The following DIAPH2 variants were observed in gnomAD, a reference collection of about 807,000 sequenced individuals.
DIAPH2 encodes the protein diaphanous related formin 2, also known as protein diaphanous homolog 2.
DIAPH2 carries 35 observed loss-of-function variants against 92.7 expected under a neutral mutation model. That is an observed-to-expected ratio of 0.38 (90% CI 0.29 to 0.50). DIAPH2 has a LOEUF of 0.50. Ranked by LOEUF, DIAPH2 falls within the 20% of genes least tolerant of loss-of-function variation. The pLI, the probability that DIAPH2 is intolerant of heterozygous loss-of-function variation, is 0.94. For synonymous variants in DIAPH2, 301 were observed against 280.4 expected (o/e 1.07, Z -0.73); for missense variants, 701 against 819.5 (o/e 0.86, Z 1.77).
chrX:97,446,142 C>A (rs1182012786), intron 26 of DIAPH2, among the ~76,000 whole-genome samples: 1 of 111,184 alleles, frequency 9.0e-6, no homozygotes, highest in Non-Finnish European at 1.9e-5. Flanking sequence ...AGATAATTAA[C>A]CTTTTGTATT....
intron 17 of DIAPH2, among the ~76,000 whole-genome samples, chrX:97,064,402 A>G (rs933812888): frequency 2.8e-5 from 3 of 108,038 alleles, no homozygotes; most frequent in Non-Finnish European, 3.8e-5. Context: ...TCATCTGGCA[A>G]CTCCTCTGAG....
chrX:96,731,409 A>C (rs1410654530), intron 1 of DIAPH2, among the ~76,000 whole-genome samples: 1 of 111,871 alleles, frequency 8.9e-6, no homozygotes, highest in East Asian at 2.8e-4. Context: ...GAGAGAAGAA[A>C]ATAGTCAAAT....
intron 25 of DIAPH2, among the ~76,000 whole-genome samples, chrX:97,417,265 T>C (rs1003324070): frequency 2.7e-5 from 3 of 110,464 alleles, no homozygotes; most frequent in African/African-American, 9.9e-5. Context: ...ATATATAATA[T>C]CATCATATAA....
intron 5 of DIAPH2, chrX:96,884,563 A>G: frequency 8.3e-7 from 1 of 1,210,961 alleles, no homozygotes; most frequent in Non-Finnish European, 1.1e-6. Context: ...AGGGGCAGAG[A>G]AGGCTTCAAA....
intron 17 of DIAPH2, among the ~76,000 whole-genome samples, chrX:97,005,215 T>G (rs1194979740): frequency 9.0e-6 from 1 of 111,672 alleles, no homozygotes; most frequent in Non-Finnish European, 1.9e-5. Flanking sequence ...TTGCTGAGGA[T>G]TTTTGCATCA....
At chrX:97,546,265 G>C (rs1470888337) in intron 26 of DIAPH2, among the ~76,000 whole-genome samples, 1 of 111,558 alleles carries the variant, frequency 9.0e-6, no homozygotes, top group African/African-American at 3.3e-5. Context: ...TACCAGAGAG[G>C]TGCTAACTCA....
intron 11 of DIAPH2, among the ~76,000 whole-genome samples, chrX:96,938,234 A>G (rs748810822): frequency 2.1e-4 from 23 of 111,743 alleles, no homozygotes; most frequent in Non-Finnish European, 3.4e-4. Context: ...CAATGCATCT[A>G]TGAAAGTCTT....
intron 5 of DIAPH2, among the ~76,000 whole-genome samples, chrX:96,910,004 A>G (rs1361924323): frequency 9.0e-6 from 1 of 111,380 alleles, no homozygotes; most frequent in Non-Finnish European, 1.9e-5. Context: ...TAAAGAAATC[A>G]TGGATTATTT....
intron 5 of DIAPH2, 94 bp from the exon 6 acceptor site, chrX:96,912,234 T>A: frequency 1.4e-6 from 1 of 700,862 alleles, no homozygotes; most frequent in Non-Finnish European, 2.1e-6. Context: ...TGAGACAGAA[T>A]TATCAGATTT....
intron 23 of DIAPH2, among the ~76,000 whole-genome samples, chrX:97,321,544 A>ATTTTTTTTTTTTTT (rs72265655): frequency 2.1e-5 from 1 of 48,412 alleles, no homozygotes. Context: ...TTGTGTTGTT[A>ATTTTTTTTTTTTTT]TTTTTTTTTT....
At chrX:97,403,592 T>C (rs150324185) in intron 25 of DIAPH2, among the ~76,000 whole-genome samples, 1,506 of 112,139 alleles carry the variant, frequency 0.013, 30 homozygotes, top group African/African-American at 0.046. Context: ...CTATAAGTAA[T>C]GTAATAGGAC....
In DIAPH2 at chrX:96,698,036, G is replaced by GA. The variant is rs916366180; in HGVS notation, c.132+12856dup. 3.3e-3 allele frequency among the ~76,000 whole-genome samples: 354 copies of GA among 107,656 alleles called. 1 individual carries two copies. The highest frequency in any genetic ancestry group is 5.1e-3 in the Non-Finnish European group (261 of 51,588). 93.5% of individuals were successfully genotyped at this position (107,656 alleles called of 115,157 possible). ...CAGCCTGTGATAGCCCACCACTGGGGAAAAAAAAAATACCTGTCTAGCAGT... is the reference window on the plus strand; with the variant it reads ...CAGCCTGTGATAGCCCACCACTGGGGAAAAAAAAAAATACCTGTCTAGCAGT... On this transcript the variant is annotated intron_variant, in intron 1 of 26. Coordinates refer to ENST00000324765, the MANE Select transcript of DIAPH2 (RefSeq NM_006729.5).
intron 21 of DIAPH2, among the ~76,000 whole-genome samples, chrX:97,115,334 G>A (rs889294413): frequency 9.1e-6 from 1 of 110,432 alleles, no homozygotes; most frequent in Non-Finnish European, 1.9e-5. Context: ...TCAGGAGTTC[G>A]AGAACAGCCT....
At chrX:97,033,211 A>G (rs1445819805) in intron 17 of DIAPH2, among the ~76,000 whole-genome samples, 1 of 112,453 alleles carries the variant, frequency 8.9e-6, no homozygotes, top group Admixed American at 9.4e-5. Flanking sequence ...CTAGATATCC[A>G]TTCCGTGTCA....
chrX:96,905,103 C>T (rs2065424356), intron 5 of DIAPH2, among the ~76,000 whole-genome samples: 1 of 111,666 alleles, frequency 9.0e-6, no homozygotes, highest in East Asian at 2.8e-4. Flanking sequence ...GATGACATGA[C>T]TAATATTGGA....
At chrX:97,240,516 G>A in intron 22 of DIAPH2, among the ~76,000 whole-genome samples, 1 of 108,419 alleles carries the variant, frequency 9.2e-6, no homozygotes, top group Non-Finnish European at 1.9e-5. Flanking sequence ...TGAGGCAGGA[G>A]AATGGCGTGA....
At position 96,942,082 on chromosome X, in the gene DIAPH2, G is replaced by C; in HGVS notation, c.1390G>C (p.Asp464His). Residue 464 changes from aspartate to histidine, a missense_variant, in exon 13 of 27, where the codon GAT (aspartate) becomes CAT (histidine). By Grantham distance (81) the Asp-to-His change is moderately conservative. Around this residue, in one of 3 missense-constraint regions of DIAPH2, gnomAD observed 536 missense variants for 599.3 expected, o/e 0.89. Transcript: ENST00000324765. ...GATAGTGCTACACTGCAGTGGTATG[G>C]ATCCAGACTTCAAATACAGGCAAAG... ...SQIVLHCSGM[D>H]PDFKYRQRLD... 1 of 1,195,269 alleles carries C rather than the reference G, an allele frequency of 8.4e-7. No homozygotes were observed. The highest frequency in any genetic ancestry group is 1.1e-6 in the Non-Finnish European group (1 of 881,074).
intron 26 of DIAPH2, among the ~76,000 whole-genome samples, chrX:97,522,728 G>A (rs1241992302): frequency 2.7e-5 from 3 of 111,664 alleles, no homozygotes; most frequent in Non-Finnish European, 5.7e-5. Flanking sequence ...TATTTTGTTT[G>A]TTCTTATTTT....
chrX:97,267,405 T>C (rs2068346657), intron 23 of DIAPH2, among the ~76,000 whole-genome samples: 1 of 111,763 alleles, frequency 8.9e-6, no homozygotes, highest in South Asian at 3.8e-4. Context: ...ATTAGCTTAC[T>C]TAGGTTACAA....
Sources: gnomAD v4.1 joint callset for allele counts (sites outside exome capture counted in the v4.1 genomes callset) on GRCh38, gnomAD v4.1.1 for gene constraint, gnomAD v4.1.1 regional missense constraint, MANE v1.5 for transcripts, NCBI Gene and HGNC (gene_info 2026-07-23, HGNC 2026-07-21) for gene names.